The following KIAA0825 variants were observed in gnomAD, a reference collection of about 807,000 sequenced individuals.
KIAA0825 encodes the protein uncharacterized protein KIAA0825.
Under a neutral mutation model 147.6 loss-of-function variants are expected in KIAA0825, and 119 were observed. That is an observed-to-expected ratio of 0.81 (90% CI 0.69 to 0.94). The LOEUF (loss-of-function observed/expected upper bound fraction) is 0.94. KIAA0825 is among the 40% of genes least tolerant of loss of function. The pLI is 0.00. For missense variants in KIAA0825, 1,381 were observed against 1,472.7 expected, an observed-to-expected ratio of 0.94 and a Z score of 1.02; for synonymous variants, 470 against 518.1, an observed-to-expected ratio of 0.91 and a Z score of 1.26.
intron 2 of KIAA0825, among the ~76,000 whole-genome samples, chr5:94,565,722 G>C (rs1002268787): frequency 1.3e-5 from 2 of 152,122 alleles, no homozygotes; most frequent in African/African-American, 4.8e-5. Context: ...TGGGGAAATA[G>C]TGTGTTCATT....
At chr5:94,179,142 C>T (rs1311758935) in intron 20 of KIAA0825, among the ~76,000 whole-genome samples, 2 of 151,842 alleles carry the variant, frequency 1.3e-5, no homozygotes, top group Non-Finnish European at 2.9e-5. Context: ...GAGAGATTGT[C>T]CAAAAAAGGG....
chr5:94,427,856 CTTGTTTT>C (rs1755094237), intron 14 of KIAA0825, among the ~76,000 whole-genome samples: 1 of 151,976 alleles, frequency 6.6e-6, no homozygotes, highest in Non-Finnish European at 1.5e-5. Context: ...AACCTGGGTG[CTTGTTTT>C]GTGTTTTGTG....
intron 20 of KIAA0825, among the ~76,000 whole-genome samples, chr5:94,192,135 TA>T: frequency 6.6e-6 from 1 of 152,396 alleles, no homozygotes; most frequent in African/African-American, 2.4e-5. Context: ...TTTTCATTTT[TA>T]TTAGTCCAAC....
At chr5:94,377,378 A>G (rs1747734157) in intron 20 of KIAA0825, among the ~76,000 whole-genome samples, 1 of 152,272 alleles carries the variant, frequency 6.6e-6, no homozygotes, top group Non-Finnish European at 1.5e-5. Flanking sequence ...TTTGGAATAA[A>G]TAAGGTAAAG....
intron 2 of KIAA0825, among the ~76,000 whole-genome samples, chr5:94,565,276 T>C (rs914588588): frequency 1.3e-5 from 2 of 150,998 alleles, no homozygotes; most frequent in African/African-American, 4.9e-5. Context: ...TCATTCTCTA[T>C]CTGCTGCCAG....
chr5:94,447,316 G>A (rs1296435471), intron 13 of KIAA0825, among the ~76,000 whole-genome samples: 1 of 152,028 alleles, frequency 6.6e-6, no homozygotes, highest in Non-Finnish European at 1.5e-5. Context: ...AAAGGTTACA[G>A]TATAGAATAC....
chr5:94,385,619 G>A (rs1383636396), intron 19 of KIAA0825, among the ~76,000 whole-genome samples: 4 of 152,176 alleles, frequency 2.6e-5, no homozygotes, highest in Non-Finnish European at 4.4e-5. Flanking sequence ...GCAGAAAGAC[G>A]ATCTTTTCAG....
intron 20 of KIAA0825, among the ~76,000 whole-genome samples, chr5:94,362,257 A>G (rs1372371775): frequency 6.6e-6 from 1 of 152,190 alleles, no homozygotes; most frequent in African/African-American, 2.4e-5. Context: ...CTCTTTCAAT[A>G]TTCTCCACGG....
chr5:94,215,232 A>G (rs1773090871), intron 20 of KIAA0825, among the ~76,000 whole-genome samples: 1 of 152,218 alleles, frequency 6.6e-6, no homozygotes, highest in African/African-American at 2.4e-5. Flanking sequence ...ATCTGAATCT[A>G]TTACTAAAGG....
At chr5:94,447,129 G>A (rs1757827990) in intron 13 of KIAA0825, among the ~76,000 whole-genome samples, 2 of 152,024 alleles carry the variant, frequency 1.3e-5, no homozygotes, top group South Asian at 4.1e-4. Flanking sequence ...ATTTGGTTAT[G>A]GTGAGTTTGA....
intron 12 of KIAA0825, among the ~76,000 whole-genome samples, chr5:94,459,891 G>A (rs1487745775): frequency 1.3e-5 from 2 of 151,726 alleles, no homozygotes; most frequent in African/African-American, 2.4e-5. Context: ...ATTTAGGTAG[G>A]GCAATATTAT....
intron 20 of KIAA0825, among the ~76,000 whole-genome samples, chr5:94,227,575 T>C (rs946669844): frequency 2.8e-5 from 4 of 143,146 alleles, no homozygotes; most frequent in Non-Finnish European, 6.1e-5. Context: ...AAAAAGAAAA[T>C]GTACAGTCAG....
At chr5:94,345,174 G>A (rs574154075) in intron 20 of KIAA0825, among the ~76,000 whole-genome samples, 2 of 152,062 alleles carry the variant, frequency 1.3e-5, no homozygotes, top group Non-Finnish European at 2.9e-5. Flanking sequence ...GCGTGGTGAG[G>A]GTGGGGAACT....
At chr5:94,368,486 T>C (rs1746191070) in intron 20 of KIAA0825, among the ~76,000 whole-genome samples, 1 of 152,136 alleles carries the variant, frequency 6.6e-6, no homozygotes, top group African/African-American at 2.4e-5. Context: ...TTATTTGCAA[T>C]TGGTTTTACA....
At chr5:94,457,208 G>A (rs867032726) in intron 12 of KIAA0825, among the ~76,000 whole-genome samples, 13 of 152,164 alleles carry the variant, frequency 8.5e-5, no homozygotes, top group South Asian at 2.1e-4. Context: ...CTCAATGGGA[G>A]AATGAAATTA....
At chr5:94,563,809 T>C (rs1778039081) in intron 2 of KIAA0825, among the ~76,000 whole-genome samples, 1 of 152,088 alleles carries the variant, frequency 6.6e-6, no homozygotes, top group Non-Finnish European at 1.5e-5. Context: ...CTCTGCCTCC[T>C]GAGTAGCTGG....
At chr5:94,163,214 A>T (rs1388267481) in intron 20 of KIAA0825, among the ~76,000 whole-genome samples, 2 of 152,198 alleles carry the variant, frequency 1.3e-5, no homozygotes, top group African/African-American at 4.8e-5. Flanking sequence ...AGTATTTTTG[A>T]CCAATGTAAA....
At chr5:94,290,331 G>T (rs1584024937) in intron 20 of KIAA0825, among the ~76,000 whole-genome samples, 1 of 152,002 alleles carries the variant, frequency 6.6e-6, no homozygotes, top group African/African-American at 2.4e-5. Flanking sequence ...TCCCCTCCTT[G>T]TGTCCATGTG....
chr5:94,166,504 G>GTTTT (rs535152982), intron 20 of KIAA0825, among the ~76,000 whole-genome samples: 1,140 of 100,596 alleles, frequency 0.011, 10 homozygotes, highest in African/African-American at 0.013. Context: ...CCTCTTGGTT[G>GTTTT]TTTTTTTTTT....
Sources: gnomAD v4.1 joint callset for allele counts (sites outside exome capture counted in the v4.1 genomes callset) on GRCh38, gnomAD v4.1.1 for gene constraint, MANE v1.5 for transcripts, NCBI Gene and HGNC (gene_info 2026-07-23, HGNC 2026-07-21) for gene names.